Variants in KCNK13 observed in about 807,000 individuals in gnomAD.
KCNK13 encodes potassium two pore domain channel subfamily K member 13.
A neutral mutation model predicts 23.4 loss-of-function variants in KCNK13; 12 were observed. That is an observed-to-expected ratio of 0.51 (90% CI 0.33 to 0.83). KCNK13 has a LOEUF of 0.83. Among genes scored for constraint, KCNK13 ranks in the 40% least tolerant of loss-of-function variants. KCNK13 has a pLI of 0.02. For synonymous variants in KCNK13, 231 were observed against 229.5 expected, an observed-to-expected ratio of 1.01 and a Z score of -0.06; for missense variants, 463 against 556.3, an observed-to-expected ratio of 0.83 and a Z score of 1.69.
chr14:90,184,476 G>A lies in KCNK13; in HGVS notation c.700G>A (p.Ala234Thr). Residue 234 changes from alanine to threonine, a missense_variant, in exon 2 of 2, where the codon GCT becomes ACT. Physicochemically the swap from Ala to Thr is moderately conservative, Grantham distance 58. Around this residue, in one of 3 missense-constraint regions of KCNK13, gnomAD observed 144 missense variants for 224.0 expected, o/e 0.64. Coordinates refer to ENST00000282146, the MANE Select transcript of KCNK13 (RefSeq NM_022054.4). The surrounding 1 kb of genome is among the most constrained non-coding windows in gnomAD (Gnocchi z 5.6). ...YFDSLYFCFV[A>T]FSTIGFGDLV... is the part of the protein sequence containing the mutation. ...TGACTCACTCTACTTCTGTTTTGTG[G>A]CTTTCAGCACCATTGGCTTTGGGGA... 13 of 1,614,224 alleles carry A rather than the reference G, an allele frequency of 8.1e-6. No individual in the cohort carries two copies. Among genetic ancestry groups the A allele is most frequent in the Non-Finnish European group, 1.1e-5 (13 of 1,180,038 alleles).
chr14:90,077,117 C>CTT (rs373759289), intron 1 of KCNK13, among the ~76,000 whole-genome samples: 52,510 of 92,134 alleles, frequency 0.57, 16,734 homozygotes, highest in African/African-American at 0.68. Flanking sequence ...CCGCACCTGG[C>CTT]TTTTTTTTTT....
intron 1 of KCNK13, among the ~76,000 whole-genome samples, chr14:90,165,688 T>C (rs1890294822): frequency 6.6e-6 from 1 of 152,220 alleles, no homozygotes; most frequent in Non-Finnish European, 1.5e-5. Context: ...TTTTAGAAGT[T>C]AAGAAGCACT....
chr14:90,119,290 C>A (rs1566954884), intron 1 of KCNK13, among the ~76,000 whole-genome samples: 1 of 152,122 alleles, frequency 6.6e-6, no homozygotes, highest in Non-Finnish European at 1.5e-5. Flanking sequence ...CCAATTCATT[C>A]TATGAGGCCG....
Position 90,062,408 on chromosome 14 carries a change from G to T in KCNK13, c.203G>T (p.Arg68Leu), listed in dbSNP as rs888123272. Residue 68 changes from arginine (R) to leucine (L), a missense_variant, in exon 1 of 2, where the codon CGC becomes CTC. Arg to Leu is a moderately radical substitution (Grantham distance 102, BLOSUM62 -2). Coordinates refer to ENST00000282146, the MANE Select transcript of KCNK13 (RefSeq NM_022054.4). This position sits in a 1 kb window ranked among gnomAD's most constrained non-coding sequence, Gnocchi z 4.5. ...ANFSRGHNLS[R>L]DELRGFLRHY... Reference sequence around the variant, plus strand: ...TTCAGCCGCGGCCACAACCTGAGCCGCGACGAGCTGCGCGGCTTCCTCCGC... The same window carrying T: ...TTCAGCCGCGGCCACAACCTGAGCCTCGACGAGCTGCGCGGCTTCCTCCGC... 4 of 1,545,880 alleles carry T rather than the reference G, an allele frequency of 2.6e-6. No homozygotes were observed. The African/African-American group carries it at 4.1e-5, about 16-fold the overall frequency.
At chr14:90,178,231 CAAA>C (rs34726346) in intron 1 of KCNK13, among the ~76,000 whole-genome samples, 11,403 of 75,196 alleles carry the variant, frequency 0.15, 389 homozygotes, top group African/African-American at 0.33. Flanking sequence ...TTCCTAAAAG[CAAA>C]AAAAAAAAAA....
intron 1 of KCNK13, among the ~76,000 whole-genome samples, chr14:90,081,014 A>G (rs1346367135): frequency 6.6e-6 from 1 of 152,246 alleles, no homozygotes; most frequent in Admixed American, 6.5e-5. Context: ...AAGGGAACCA[A>G]AGGATGAGAA....
At chr14:90,079,255 T>C (rs1889179721) in intron 1 of KCNK13, among the ~76,000 whole-genome samples, 1 of 152,138 alleles carries the variant, frequency 6.6e-6, no homozygotes, top group African/African-American at 2.4e-5. Context: ...AAACAGACTC[T>C]GGGCTAAGGA....
chr14:90,063,941 C>T (rs1888977030), intron 1 of KCNK13, among the ~76,000 whole-genome samples: 1 of 152,166 alleles, frequency 6.6e-6, no homozygotes, highest in African/African-American at 2.4e-5. Flanking sequence ...GATGGTGCGG[C>T]CCATCAGCAG....
At chr14:90,070,469 A>G (rs1328835782) in intron 1 of KCNK13, among the ~76,000 whole-genome samples, 1 of 152,220 alleles carries the variant, frequency 6.6e-6, no homozygotes, top group East Asian at 1.9e-4. Flanking sequence ...TGTGTGCTTT[A>G]TAGTTTAAAG....
At chr14:90,134,566 A>G (rs1889912931) in intron 1 of KCNK13, among the ~76,000 whole-genome samples, 1 of 152,220 alleles carries the variant, frequency 6.6e-6, no homozygotes, top group Admixed American at 6.5e-5. Flanking sequence ...GACTGAATGG[A>G]AACACGTCAA....
rs1423553619 is a variant in KCNK13, at chr14:90,172,319, A to AAT, written c.335-11791_335-11790insTA. ...GTGATGGAGCCAGAGTCTATATCAA[A>AAT]AAAAAAAAAAAAAGTGATAGAAGGG... is the stretch of plus-strand genomic sequence containing the variant. On this transcript the variant is annotated intron_variant, in intron 1 of 1. Coordinates refer to ENST00000282146, the MANE Select transcript of KCNK13 (RefSeq NM_022054.4). Among the ~76,000 whole-genome samples the AAT allele has an allele frequency of 1.7e-4, 23 of 133,498 alleles. 1 individual carries two copies. In the South Asian group the frequency reaches 2.5e-3, roughly 15 times the overall value. 87.6% of individuals were successfully genotyped at this position (133,498 alleles called of 152,430 possible).
At chr14:90,127,836 A>G (rs1282182230) in intron 1 of KCNK13, among the ~76,000 whole-genome samples, 2 of 151,664 alleles carry the variant, frequency 1.3e-5, no homozygotes, top group African/African-American at 4.8e-5. Context: ...AAAAAAAAAA[A>G]AAGGCTATTT....
intron 1 of KCNK13, among the ~76,000 whole-genome samples, chr14:90,078,409 G>GAA (rs1555401414): frequency 7.2e-6 from 1 of 139,400 alleles, no homozygotes; most frequent in Admixed American, 7.5e-5. Flanking sequence ...GACAGAGCAA[G>GAA]ACAGTCTCAA....
At chr14:90,068,597 C>G (rs1889036006) in intron 1 of KCNK13, among the ~76,000 whole-genome samples, 1 of 152,084 alleles carries the variant, frequency 6.6e-6, no homozygotes, top group Non-Finnish European at 1.5e-5. Flanking sequence ...GGGCAAGACC[C>G]TGTCTCAAGC....
At chr14:90,121,862 G>A (rs1889743368) in intron 1 of KCNK13, among the ~76,000 whole-genome samples, 1 of 151,924 alleles carries the variant, frequency 6.6e-6, no homozygotes, top group South Asian at 2.1e-4. Flanking sequence ...TGGAATTACA[G>A]GCGTGCAACA....
At chr14:90,128,282 C>G (rs1207048876) in intron 1 of KCNK13, among the ~76,000 whole-genome samples, 2 of 152,182 alleles carry the variant, frequency 1.3e-5, no homozygotes, top group Non-Finnish European at 2.9e-5. Context: ...CAATTTACTT[C>G]CAGTCCCAGG....
At chr14:90,105,801 G>T (rs1172894029) in intron 1 of KCNK13, among the ~76,000 whole-genome samples, 1 of 152,148 alleles carries the variant, frequency 6.6e-6, no homozygotes, top group South Asian at 2.1e-4. Context: ...CGAAAGAAAA[G>T]GTCCTAGGTT....
intron 1 of KCNK13, among the ~76,000 whole-genome samples, chr14:90,180,204 A>G (rs1890469704): frequency 6.6e-6 from 1 of 152,234 alleles, no homozygotes; most frequent in Non-Finnish European, 1.5e-5. Flanking sequence ...TGTAACTAGT[A>G]GACTAATAAT....
At position 90,121,731 on chromosome 14, in the gene KCNK13, AT is replaced by A. The variant is rs891426400; in HGVS notation, c.334+59200del. 2.1e-3 allele frequency among the ~76,000 whole-genome samples: 323 copies of A among 151,628 alleles called. 4 individuals are homozygous for A. Among genetic ancestry groups the A allele is most frequent in the African/African-American group, 7.2e-3 (299 of 41,334 alleles). ...ACCTTTGTGCTTTTTATTTTATTTT[AT>A]TTTTTTTGAGACAGTCTCGCTCTGT... On this transcript the variant is annotated intron_variant, in intron 1 of 1. Coordinates refer to ENST00000282146, the MANE Select transcript of KCNK13 (RefSeq NM_022054.4).
Sources: gnomAD v4.1 joint callset for allele counts (sites outside exome capture counted in the v4.1 genomes callset) on GRCh38, gnomAD v4.1.1 for gene constraint, gnomAD v4.1.1 regional missense constraint, Gnocchi (gnomAD v3.1) non-coding constraint, MANE v1.5 for transcripts, NCBI Gene and HGNC (gene_info 2026-07-23, HGNC 2026-07-21) for gene names.